The following LARP4 variants were observed in gnomAD, a reference collection of about 807,000 sequenced individuals.
LARP4 encodes the protein la-related protein 4.
LARP4 carries 29 observed loss-of-function variants against 92.9 expected under a neutral mutation model. The ratio of observed to expected loss-of-function variants is 0.31; its 90% CI spans 0.23 to 0.43. The LOEUF is 0.43. LARP4 is among the 20% of genes least tolerant of loss of function. The pLI, the probability that LARP4 is intolerant of heterozygous loss-of-function variation, is 1.00. For missense variants in LARP4, 732 were observed against 860.0 expected, an observed-to-expected ratio of 0.85 and a Z score of 1.86; for synonymous variants, 279 against 284.1, an observed-to-expected ratio of 0.98 and a Z score of 0.18.
At chr12:50,461,055 G>T in intron 10 of LARP4, 80 bp from the exon 11 acceptor site, 1 of 1,136,420 alleles carries the variant, frequency 8.8e-7, no homozygotes, top group South Asian at 1.3e-5. Context: ...AGTACAACAG[G>T]AGCCAATTTT....
chr12:50,429,145 C>T, intron 3 of LARP4, 55 bp downstream of exon 3: 1 of 1,287,878 alleles, frequency 7.8e-7, no homozygotes, highest in Non-Finnish European at 1.1e-6. Context: ...ACACCCCCCA[C>T]CCATGGTCTC....
At chr12:50,428,306 G>A (rs1949127842) in intron 2 of LARP4, among the ~76,000 whole-genome samples, 1 of 152,094 alleles carries the variant, frequency 6.6e-6, no homozygotes, top group African/African-American at 2.4e-5. Context: ...GGGATTACAG[G>A]TGTGAACCAC....
At chr12:50,403,857 T>G (rs1322711656) in intron 1 of LARP4, among the ~76,000 whole-genome samples, 1 of 152,186 alleles carries the variant, frequency 6.6e-6, no homozygotes, top group Non-Finnish European at 1.5e-5. Flanking sequence ...ACGTTTGATG[T>G]TTTTGCATAT....
Position 50,453,629 on chromosome 12 carries a change from A to G in LARP4, c.974A>G (p.Gln325Arg), listed in dbSNP as rs1387608336. 6.2e-7 allele frequency: 1 copy of G among 1,612,158 alleles called. No individual in the cohort carries two copies. The highest frequency in any genetic ancestry group is 1.3e-5 in the African/African-American group (1 of 74,894). ...QQYSVYSIVP[Q>R]SWSPNPTPYF... ...TACTCGGTCTATAGTATTGTGCCTC[A>G]GTCTTGGTCTCCAAATCCTACACCT... Residue 325 changes from glutamine (Q) to arginine (R), a missense_variant, in exon 9 of 16, where the codon CAG becomes CGG. Transcript: ENST00000398473.
At chr12:50,420,406 A>G (rs1592878357) in intron 1 of LARP4, among the ~76,000 whole-genome samples, 1 of 152,226 alleles carries the variant, frequency 6.6e-6, no homozygotes, top group Admixed American at 6.5e-5. Context: ...GAAGAGAATA[A>G]TAGAGCAGTT....
chr12:50,466,076 AAATGCTATAT>A (rs1956114242), intron 12 of LARP4, among the ~76,000 whole-genome samples: 1 of 152,214 alleles, frequency 6.6e-6, no homozygotes. Context: ...TTAACACACC[AAATGCTATAT>A]GTCAGGAAAT....
At chr12:50,472,500 A>ATT (rs75116778) in intron 13 of LARP4, among the ~76,000 whole-genome samples, 1 of 150,418 alleles carries the variant, frequency 6.6e-6, no homozygotes, top group Non-Finnish European at 1.5e-5. Flanking sequence ...GATTTCATTA[A>ATT]TTTTTTTTTA....
intron 15 of LARP4, 36 bp from the exon 16 acceptor site, chr12:50,475,490 G>A: frequency 6.9e-7 from 1 of 1,456,338 alleles, no homozygotes; most frequent in Non-Finnish European, 9.4e-7. Context: ...TAAAGAATGT[G>A]TACCATAAAT....
rs747380198 is a variant in LARP4 at position 50,475,809 on chromosome 12, G to A, written c.2120G>A (p.Gly707Glu). ...TTTAGCCATAGGGCTATACCTCAGG[G>A]AGTGACTCGACGTAATGGCAAAGAG... Reference protein sequence around the residue: ...RQFSHRAIPQGVTRRNGKEQY... With the variant: ...RQFSHRAIPQEVTRRNGKEQY... The change falls in exon 16 of 16, where the codon GGA becomes GAA. Residue 707 changes from glycine to glutamate, a missense_variant. Physicochemically the swap from Gly to Glu is moderately conservative, Grantham distance 98 (BLOSUM62 -2). Coordinates refer to ENST00000398473, the MANE Select transcript of LARP4 (RefSeq NM_052879.5). 3 of 1,613,992 alleles carry A rather than the reference G, an allele frequency of 1.9e-6. No individual in the cohort carries two copies. Among genetic ancestry groups the A allele is most frequent in the African/African-American group, 1.3e-5 (1 of 74,920 alleles).
At position 50,422,781 on chromosome 12, in the gene LARP4, ATATTATTATTATTAT is replaced by A. The variant is rs145036648; in HGVS notation, c.19-4943_19-4929del. On this transcript the variant is annotated intron_variant, in intron 1 of 15. Transcript: ENST00000398473. ...CCAACTCTATGCCAGTTGGGAAATT[ATATTATTATTATTAT>A]TATTATTATTATTATTATTATTATT... Among the ~76,000 whole-genome samples, 472 of 138,596 alleles carry A rather than the reference ATATTATTATTATTAT, an allele frequency of 3.4e-3. 3 individuals are homozygous for A. The highest frequency in any genetic ancestry group is 4.1e-3 in the East Asian group (20 of 4,840). The allele number at this position is 138,596 out of a possible 152,430, so 90.9% of individuals were successfully genotyped here.
At chr12:50,402,811 C>G (rs888051930) in intron 1 of LARP4, 2 of 455,060 alleles carry the variant, frequency 4.4e-6, no homozygotes, top group East Asian at 7.0e-5. Flanking sequence ...TCCGACTCCC[C>G]AGGTTAGACA....
At chr12:50,405,364 A>T (rs1484000093) in intron 1 of LARP4, among the ~76,000 whole-genome samples, 1 of 152,226 alleles carries the variant, frequency 6.6e-6, no homozygotes, top group African/African-American at 2.4e-5. Context: ...CTTCATCTGA[A>T]TGCTATCAAG....
intron 1 of LARP4, among the ~76,000 whole-genome samples, chr12:50,424,421 C>G (rs1046899360): frequency 1.3e-5 from 2 of 151,648 alleles, no homozygotes; most frequent in African/African-American, 4.8e-5. Flanking sequence ...TACAGTGGCC[C>G]GATCTCGGCT....
intron 10 of LARP4, among the ~76,000 whole-genome samples, chr12:50,458,310 G>A (rs1449962350): frequency 1.3e-5 from 2 of 151,784 alleles, no homozygotes; most frequent in Non-Finnish European, 2.9e-5. Context: ...TGTATTTTTA[G>A]TTAGAGACAG....
chr12:50,451,372 A>G (rs1379590048), intron 8 of LARP4, among the ~76,000 whole-genome samples: 1 of 152,132 alleles, frequency 6.6e-6, no homozygotes, highest in African/African-American at 2.4e-5. Flanking sequence ...AGGTTCATTC[A>G]GGTTGTCACA....
At chr12:50,460,591 T>C (rs1260189489) in intron 10 of LARP4, among the ~76,000 whole-genome samples, 1 of 152,122 alleles carries the variant, frequency 6.6e-6, no homozygotes, top group Non-Finnish European at 1.5e-5. Flanking sequence ...CCCAAAGTGC[T>C]GAGATTACAG....
chr12:50,416,738 A>G (rs553235432), intron 1 of LARP4, among the ~76,000 whole-genome samples: 5 of 152,296 alleles, frequency 3.3e-5, no homozygotes, highest in African/African-American at 1.2e-4. Context: ...TAATCCCAGC[A>G]CTTTGGGAGG....
intron 13 of LARP4, among the ~76,000 whole-genome samples, chr12:50,471,569 G>C (rs1016747816): frequency 6.6e-6 from 1 of 152,180 alleles, no homozygotes; most frequent in Non-Finnish European, 1.5e-5. Context: ...TGTCGCGCAG[G>C]CTGGAGTGCA....
At chr12:50,442,307 G>C (rs188754567) in intron 8 of LARP4, among the ~76,000 whole-genome samples, 1 of 152,060 alleles carries the variant, frequency 6.6e-6, no homozygotes, top group Non-Finnish European at 1.5e-5. Flanking sequence ...GCATCACTAC[G>C]TACCATCAAT....
Sources: allele counts gnomAD v4.1 joint callset (sites outside exome capture counted in the v4.1 genomes callset), GRCh38; gene constraint gnomAD v4.1.1; transcripts MANE v1.5; gene names NCBI Gene and HGNC (gene_info 2026-07-23, HGNC 2026-07-21).